Variants in TMEM132D observed in about 807,000 individuals in gnomAD.
The protein encoded by TMEM132D is mature OL transmembrane protein.
In TMEM132D, 21 loss-of-function variants were observed where a neutral mutation model predicts 62.3. That is an observed-to-expected ratio of 0.34 (90% CI 0.24 to 0.49). The LOEUF (loss-of-function observed/expected upper bound fraction) is 0.49. Ranked by LOEUF, TMEM132D falls within the 20% of genes least tolerant of loss-of-function variation. The pLI is 0.99. For synonymous variants in TMEM132D, 621 were observed against 575.6 expected, an observed-to-expected ratio of 1.08 and a Z score of -1.13; for missense variants, 1,346 against 1,402.8, an observed-to-expected ratio of 0.96 and a Z score of 0.65.
chr12:129,378,030 C>A (rs1870833994), intron 3 of TMEM132D, among the ~76,000 whole-genome samples: 1 of 152,226 alleles, frequency 6.6e-6, no homozygotes. Flanking sequence ...ATCTTGACAG[C>A]TTCTGCTATT....
chr12:129,610,021 A>G (rs774565683), intron 2 of TMEM132D, among the ~76,000 whole-genome samples: 11 of 152,136 alleles, frequency 7.2e-5, no homozygotes, highest in Non-Finnish European at 8.8e-5. Flanking sequence ...TGTAATCCCA[A>G]CGCTTTGGGA....
chr12:129,760,733 G>A (rs1310495231), intron 1 of TMEM132D, among the ~76,000 whole-genome samples: 1 of 151,504 alleles, frequency 6.6e-6, no homozygotes, highest in Non-Finnish European at 1.5e-5. Context: ...CCATGGTGGT[G>A]TGCTGCACCC....
chr12:129,490,385 TATTTAAAA>T lies in TMEM132D; in HGVS notation c.1115+40666_1115+40673del, dbSNP rs1445147988. 3.3e-5 allele frequency among the ~76,000 whole-genome samples: 5 copies of T among 149,374 alleles called. No homozygotes were observed. In the East Asian group the frequency reaches 1.0e-3, roughly 30 times the overall value. On this transcript the variant is annotated intron_variant, in intron 3 of 8. Coordinates refer to ENST00000422113, the MANE Select transcript of TMEM132D (RefSeq NM_133448.3). ...TGTTTGGCCTTGATGATATTATAAA[TATTTAAAA>T]ATTTCACCTGAACATCATAATTTCC...
At chr12:129,526,638 A>C (rs1876050793) in intron 3 of TMEM132D, among the ~76,000 whole-genome samples, 1 of 152,180 alleles carries the variant, frequency 6.6e-6, no homozygotes. Context: ...GCTGGTAATA[A>C]ATCATGTTTC....
intron 3 of TMEM132D, among the ~76,000 whole-genome samples, chr12:129,389,910 CATGGT>C (rs745554002): frequency 1.1e-4 from 17 of 152,174 alleles, no homozygotes; most frequent in Non-Finnish European, 2.5e-4. Flanking sequence ...CATTTGATTC[CATGGT>C]GAGACTTTTA....
intron 3 of TMEM132D, among the ~76,000 whole-genome samples, chr12:129,356,865 G>A (rs1256207678): frequency 8.0e-6 from 1 of 125,488 alleles, no homozygotes; most frequent in East Asian, 2.8e-4. Flanking sequence ...ACAAAGAAAG[G>A]AAGGAAAGAA....
intron 2 of TMEM132D, among the ~76,000 whole-genome samples, chr12:129,639,276 G>A (rs967213961): frequency 8.6e-5 from 13 of 151,450 alleles, no homozygotes; most frequent in East Asian, 2.0e-4. Context: ...CCAGCTACTC[G>A]GGAGGCTGAG....
At chr12:129,482,255 G>A (rs974518649) in intron 3 of TMEM132D, among the ~76,000 whole-genome samples, 20 of 152,182 alleles carry the variant, frequency 1.3e-4, no homozygotes, top group African/African-American at 2.4e-4. Flanking sequence ...AACACTGGAC[G>A]TAACCAGAAT....
At chr12:129,589,211 C>T (rs1878122889) in intron 2 of TMEM132D, among the ~76,000 whole-genome samples, 1 of 152,100 alleles carries the variant, frequency 6.6e-6, no homozygotes. Flanking sequence ...CCATACTGTT[C>T]TCATTGTAGT....
intron 1 of TMEM132D, among the ~76,000 whole-genome samples, chr12:129,751,291 G>A (rs1205897735): frequency 6.6e-6 from 1 of 152,202 alleles, no homozygotes; most frequent in Non-Finnish European, 1.5e-5. Flanking sequence ...GGCAGAGCAG[G>A]AGAGAGCGAG....
At chr12:129,336,495 C>A (rs78837222) in intron 4 of TMEM132D, among the ~76,000 whole-genome samples, 2,571 of 151,976 alleles carry the variant, frequency 0.017, 62 homozygotes, top group African/African-American at 0.059. Context: ...AGAATCAACC[C>A]CGGACGGCAA....
At chr12:129,682,517 A>C (rs2137209452) in intron 2 of TMEM132D, among the ~76,000 whole-genome samples, 1 of 152,200 alleles carries the variant, frequency 6.6e-6, no homozygotes, top group East Asian at 1.9e-4. Context: ...TCTCCTGATA[A>C]TTATTAGGGT....
intron 2 of TMEM132D, among the ~76,000 whole-genome samples, chr12:129,615,462 G>A (rs1025626896): frequency 6.6e-6 from 1 of 151,290 alleles, no homozygotes; most frequent in Non-Finnish European, 1.5e-5. Flanking sequence ...AAAAAGTACG[G>A]CCGTGAGACC....
chr12:129,709,119 A>G (rs1483058088), intron 1 of TMEM132D, among the ~76,000 whole-genome samples: 1 of 152,194 alleles, frequency 6.6e-6, no homozygotes, highest in Non-Finnish European at 1.5e-5. Context: ...ATGGTAATGG[A>G]CTGAGCTGCT....
intron 1 of TMEM132D, among the ~76,000 whole-genome samples, chr12:129,711,810 TTTACA>T (rs1868380523): frequency 6.8e-6 from 1 of 148,068 alleles, no homozygotes; most frequent in Admixed American, 6.8e-5. Context: ...ATATTATATA[TTTACA>T]TTATATATTA....
At chr12:129,319,345 G>A (rs1868605848) in intron 4 of TMEM132D, among the ~76,000 whole-genome samples, 1 of 152,314 alleles carries the variant, frequency 6.6e-6, no homozygotes, top group South Asian at 2.1e-4. Flanking sequence ...GGTAAAGTTA[G>A]AAACTTCTTC....
chr12:129,755,853 A>G (rs2398481), intron 1 of TMEM132D, among the ~76,000 whole-genome samples: 146,309 of 152,246 alleles, frequency 0.96, 70,549 homozygotes, highest in East Asian at 1. Context: ...TCTTAGAGTC[A>G]AACTTTCTCA....
chr12:129,547,328 T>C (rs1228399488), intron 2 of TMEM132D, among the ~76,000 whole-genome samples: 1 of 152,156 alleles, frequency 6.6e-6, no homozygotes, highest in African/African-American at 2.4e-5. Context: ...AGCCTCAAAC[T>C]CCTGGGCTCA....
intron 4 of TMEM132D, among the ~76,000 whole-genome samples, chr12:129,257,317 C>T (rs1392920995): frequency 6.6e-6 from 1 of 151,554 alleles, no homozygotes. Context: ...CGCCATTCTC[C>T]TGCCTTAGCC....
Sources: allele counts gnomAD v4.1 joint callset (sites outside exome capture counted in the v4.1 genomes callset), GRCh38; gene constraint gnomAD v4.1.1; transcripts MANE v1.5; gene names NCBI Gene and HGNC (gene_info 2026-07-23, HGNC 2026-07-21).